The following HEG1 variants were observed in gnomAD, a reference collection of about 807,000 sequenced individuals.
The protein encoded by HEG1 is heart development protein with EGF like domains 1.
In HEG1, 56 loss-of-function variants were observed where a neutral mutation model predicts 125.6. That is an observed-to-expected ratio of 0.45 (90% CI 0.36 to 0.56). The LOEUF is 0.56. HEG1 is among the 20% of genes least tolerant of loss of function. The pLI is 0.00. For missense variants in HEG1, 1,523 were observed against 1,670.0 expected, an observed-to-expected ratio of 0.91 and a Z score of 1.53; for synonymous variants, 644 against 668.5, an observed-to-expected ratio of 0.96 and a Z score of 0.57.
rs1411108584 is a variant in HEG1 at position 125,001,853 on chromosome 3, T to A, written c.3516A>T (p.Arg1172Ser). Residue 1172 changes from arginine to serine, a missense_variant and splice_region_variant, in exon 11 of 17, where the codon AGA becomes AGT. Arg to Ser is a moderately radical substitution (Grantham distance 110). Transcript: ENST00000311127. ...QLLGSQRRIFRAGSLCKRKSP... is the reference protein window; with the variant it reads ...QLLGSQRRIFSAGSLCKRKSP... ...CCTCCCAGAGGGCTGCCCTCTTACC[T>A]CTAAAGATCCGCCTCTGAGATCCCA... 6.2e-7 allele frequency: 1 copy of A among 1,612,190 alleles called. No homozygotes were observed. Among genetic ancestry groups the A allele is most frequent in the Admixed American group, 1.7e-5 (1 of 59,818 alleles).
chr3:125,042,666 T>A (rs1463344441), intron 1 of HEG1, among the ~76,000 whole-genome samples: 1 of 152,100 alleles, frequency 6.6e-6, no homozygotes, highest in Non-Finnish European at 1.5e-5. Context: ...TAGAAACTCA[T>A]CCTCCCTTCC....
rs141254476 is a variant in HEG1, at chr3:125,051,609, C to T, written c.316+3966G>A. ...AGTGTGAAGGCGCCGACCACACATACGTGTTCAAAGGCCAGGGAGTCAAAA... is the reference window on the plus strand; with the variant it reads ...AGTGTGAAGGCGCCGACCACACATATGTGTTCAAAGGCCAGGGAGTCAAAA... On this transcript the variant is annotated intron_variant, in intron 1 of 16. Transcript: ENST00000311127. Among the ~76,000 whole-genome samples, 918 of 152,338 alleles carry T rather than the reference C, an allele frequency of 6.0e-3. 3 individuals are homozygous for T. Among genetic ancestry groups the T allele is most frequent in the African/African-American group, 0.021 (887 of 41,564 alleles).
chr3:125,042,882 C>T lies in HEG1; in HGVS notation c.316+12693G>A, dbSNP rs113373149. On this transcript the variant is annotated intron_variant, in intron 1 of 16. Coordinates refer to ENST00000311127, the MANE Select transcript of HEG1 (RefSeq NM_020733.2). ...CCCAGAAAAGCAGCCGCCCACTCAGCGAGGCCACTCTGGGCTGTGTTTTGA... is the reference window on the plus strand; with the variant it reads ...CCCAGAAAAGCAGCCGCCCACTCAGTGAGGCCACTCTGGGCTGTGTTTTGA... Among the ~76,000 whole-genome samples the T allele has an allele frequency of 4.6e-3, 698 of 152,330 alleles. 5 individuals are homozygous for T. Among genetic ancestry groups the T allele is most frequent in the African/African-American group, 0.016 (656 of 41,572 alleles).
In HEG1 at chr3:125,012,963, G is replaced by C; in HGVS notation, c.2616C>G (p.Ala872=). The C allele has an allele frequency of 6.2e-7, 1 of 1,614,034 alleles. No homozygotes were observed. The highest frequency in any genetic ancestry group is 8.5e-7 in the Non-Finnish European group (1 of 1,179,886). ...STASLVTGPI[A]VQTTAGKQLS... ...GCTGTTTTCCAGCTGTAGTCTGTAC[G>C]GCTATAGGGCCAGTGACCAGAGATG... The change falls in exon 6 of 17, where the codon GCC becomes GCG. Residue 872 remains alanine (A), a synonymous_variant. Transcript: ENST00000311127.
intron 3 of HEG1, among the ~76,000 whole-genome samples, chr3:125,026,754 C>T (rs554871900): frequency 1.2e-4 from 19 of 152,256 alleles, no homozygotes; most frequent in African/African-American, 4.6e-4. Context: ...AATCCCAGCA[C>T]TTTGGGAGGC....
Position 124,982,603 on chromosome 3 carries a change from A to G in HEG1, c.3734-4657T>C, listed in dbSNP as rs371000736. ...CACAGCTTGACATTGCTGTCATCAC[A>G]GTTAGCATCTTTCATCAAACCAACA... On this transcript the variant is annotated intron_variant, in intron 14 of 16. Transcript: ENST00000311127. 3.9e-5 allele frequency among the ~76,000 whole-genome samples: 6 copies of G among 152,348 alleles called. No individual in the cohort carries two copies. The East Asian group carries it at 7.7e-4, about 20-fold the overall frequency.
In HEG1 at chr3:124,966,680, C is replaced by T. The variant is rs1021374381; in HGVS notation, c.*3972G>A. 6.6e-6 allele frequency: 1 copy of T among 152,200 alleles called. No homozygotes were observed. The allele number at this position is 152,200 out of a possible 1,614,324, so 9.4% of individuals were successfully genotyped here. A position where few individuals can be genotyped will look rare whatever the true frequency, so the allele number is the denominator to read the frequency against. Reference sequence around the variant, plus strand: ...CATTCTTCCTCTTTCCAAAGAAGTGCTGTAGTCTCAAAATTTGTGTATTTT... The same window carrying T: ...CATTCTTCCTCTTTCCAAAGAAGTGTTGTAGTCTCAAAATTTGTGTATTTT... On this transcript the variant is annotated 3_prime_UTR_variant, in exon 17 of 17. Coordinates refer to ENST00000311127, the MANE Select transcript of HEG1 (RefSeq NM_020733.2).
At position 125,029,443 on chromosome 3, in the gene HEG1, A is replaced by G. The variant is rs1210188992; in HGVS notation, c.362T>C (p.Val121Ala). ...HWPESNTEAH[V>A]ENITFYQNQE... ...ATTCTGATAGAAGGTGATGTTTTCTACATGGGCCTCAGTGTTACTTTCTGG... is the reference window on the plus strand; with the variant it reads ...ATTCTGATAGAAGGTGATGTTTTCTGCATGGGCCTCAGTGTTACTTTCTGG... Residue 121 changes from valine (V) to alanine (A), a missense_variant, in exon 2 of 17, where the codon GTA becomes GCA. Val to Ala is a moderately conservative substitution (Grantham distance 64). Coordinates refer to ENST00000311127, the MANE Select transcript of HEG1 (RefSeq NM_020733.2). 6.2e-7 allele frequency: 1 copy of G among 1,603,104 alleles called. No individual in the cohort carries two copies. The highest frequency in any genetic ancestry group is 8.5e-7 in the Non-Finnish European group (1 of 1,179,716).
intron 16 of HEG1, chr3:124,971,238 T>C: frequency 2.2e-6 from 1 of 451,658 alleles, no homozygotes; most frequent in Non-Finnish European, 4.4e-6. Flanking sequence ...CTAGCTACTA[T>C]GTATCATAAA....
chr3:125,020,925 A>G lies in HEG1; in HGVS notation c.1119T>C (p.Leu373=). ...SRIATTSSSV[L]LSPSAVESRR... is the part of the protein sequence containing the mutation. ...TCGATTCCACTGCAGAGGGTGAAAG[A>G]AGGACTGAGGATGAAGTCGTGGCAA... Residue 373 remains leucine (L), a synonymous_variant, in exon 4 of 17, where the codon CTT becomes CTC. Transcript: ENST00000311127. 6.2e-7 allele frequency: 1 copy of G among 1,614,016 alleles called. No individual in the cohort carries two copies.
chr3:125,042,800 G>C (rs1355718818), intron 1 of HEG1, among the ~76,000 whole-genome samples: 1 of 152,196 alleles, frequency 6.6e-6, no homozygotes, highest in East Asian at 1.9e-4. Context: ...GCCAGCAGCG[G>C]GATATTCTGG....
At chr3:125,010,292 C>T (rs1456394342) in intron 7 of HEG1, 147 bp downstream of exon 7, 3 of 586,474 alleles carry the variant, frequency 5.1e-6, no homozygotes. Flanking sequence ...TCCTGCAGAT[C>T]ACAACCTACA....
chr3:125,048,672 AC>A (rs1254076307), intron 1 of HEG1, among the ~76,000 whole-genome samples: 1 of 152,238 alleles, frequency 6.6e-6, no homozygotes, highest in Non-Finnish European at 1.5e-5. Flanking sequence ...TCTAAGTACA[AC>A]GCAAAGCTCT....
intron 1 of HEG1, among the ~76,000 whole-genome samples, chr3:125,042,533 G>A (rs1180855758): frequency 6.6e-6 from 1 of 152,228 alleles, no homozygotes; most frequent in Admixed American, 6.5e-5. Flanking sequence ...CTACCTCAAG[G>A]AGTTCCAGGA....
chr3:124,971,664 G>A (rs903193117), intron 16 of HEG1, among the ~76,000 whole-genome samples: 1 of 151,654 alleles, frequency 6.6e-6, no homozygotes, highest in Non-Finnish European at 1.5e-5. Context: ...GCTAATTTTT[G>A]TATTTTTAGT....
chr3:125,055,469 C>T (rs1323049945), intron 1 of HEG1, 106 bp downstream of exon 1: 2 of 771,560 alleles, frequency 2.6e-6, no homozygotes, highest in East Asian at 4.9e-5. Flanking sequence ...AGCCCCCACC[C>T]TGGGTCGCGC....
chr3:124,969,509 T>A lies in HEG1; in HGVS notation c.*1143A>T, dbSNP rs1936389023. 2 of 152,162 alleles carry A rather than the reference T, an allele frequency of 1.3e-5. No homozygotes were observed. The highest frequency in any genetic ancestry group is 2.9e-5 in the Non-Finnish European group (2 of 68,034). 9.4% of individuals were successfully genotyped at this position (152,162 alleles called of 1,614,324 possible). On this transcript the variant is annotated 3_prime_UTR_variant, in exon 17 of 17. Transcript: ENST00000311127. The stretch of plus-strand genomic sequence containing the variant: ...ATAAACAGCTTTGAGTGGTTGAAAG[T>A]TTACATGGGGTTTGTGGACATGAGA...
intron 1 of HEG1, among the ~76,000 whole-genome samples, chr3:125,047,837 C>A (rs1937699576): frequency 6.6e-6 from 1 of 152,230 alleles, no homozygotes; most frequent in Non-Finnish European, 1.5e-5. Flanking sequence ...CAATTTGATT[C>A]TTCAGTTCCA....
At chr3:125,049,758 A>G (rs1047860842) in intron 1 of HEG1, among the ~76,000 whole-genome samples, 2 of 152,016 alleles carry the variant, frequency 1.3e-5, no homozygotes, top group African/African-American at 4.8e-5. Context: ...CAACACATCA[A>G]TACGATGCCC....
Sources: gnomAD v4.1 joint callset for allele counts (sites outside exome capture counted in the v4.1 genomes callset) on GRCh38, gnomAD v4.1.1 for gene constraint, MANE v1.5 for transcripts, NCBI Gene and HGNC (gene_info 2026-07-23, HGNC 2026-07-21) for gene names.